Variants in PTPRN2 observed in about 807,000 individuals in gnomAD.
The protein encoded by PTPRN2 is receptor-type tyrosine-protein phosphatase N2.
Under a neutral mutation model 118.8 loss-of-function variants are expected in PTPRN2, and 74 were observed. That is an observed-to-expected ratio of 0.62 (90% confidence interval 0.52 to 0.76). The LOEUF (loss-of-function observed/expected upper bound fraction) is 0.76. Among genes scored for constraint, PTPRN2 ranks in the 30% least tolerant of loss-of-function variants. The pLI is 0.00. For synonymous variants in PTPRN2, 641 were observed against 608.0 expected (o/e 1.05, Z -0.80); for missense variants, 1,481 against 1,394.4 (o/e 1.06, Z -0.99).
At chr7:157,748,203 G>GCA (rs1801138926) in intron 12 of PTPRN2, among the ~76,000 whole-genome samples, 4 of 147,872 alleles carry the variant, frequency 2.7e-5, no homozygotes, top group South Asian at 2.2e-4. Context: ...TCCCTGAGCT[G>GCA]TGAGCTGTTG....
At chr7:157,945,826 C>G (rs1351219231) in intron 11 of PTPRN2, among the ~76,000 whole-genome samples, 1 of 152,072 alleles carries the variant, frequency 6.6e-6, no homozygotes, top group African/African-American at 2.4e-5. Context: ...AAGAGCAAGT[C>G]CAGCCACACC....
intron 2 of PTPRN2, among the ~76,000 whole-genome samples, chr7:158,468,843 C>A (rs1026254292): frequency 2.5e-5 from 3 of 121,778 alleles, no homozygotes; most frequent in African/African-American, 9.1e-5. Context: ...ATGTGCACAC[C>A]CACACACTCC....
At chr7:158,444,283 T>C (rs1309989761) in intron 2 of PTPRN2, among the ~76,000 whole-genome samples, 5 of 152,360 alleles carry the variant, frequency 3.3e-5, no homozygotes, top group Non-Finnish European at 1.5e-5. Flanking sequence ...CATCACAGAC[T>C]GTGCTCGGGA....
intron 9 of PTPRN2, among the ~76,000 whole-genome samples, chr7:158,131,238 AAC>A (rs972929917): frequency 6.8e-6 from 1 of 146,364 alleles, no homozygotes; most frequent in African/African-American, 2.7e-5. Flanking sequence ...ACACCCAACA[AAC>A]ACACATACAT....
chr7:157,745,827 C>T (rs182035200), intron 12 of PTPRN2, among the ~76,000 whole-genome samples: 17 of 152,288 alleles, frequency 1.1e-4, no homozygotes, highest in East Asian at 3.9e-4. Context: ...GTTTGACGCA[C>T]GCCCTGATTT....
At position 157,682,756 on chromosome 7, in the gene PTPRN2, T is replaced by C. The variant is rs772458321; in HGVS notation, c.1970A>G (p.Asp657Gly). The C allele has an allele frequency of 7.4e-6, 12 of 1,613,854 alleles. No individual in the cohort carries two copies. The highest frequency in any genetic ancestry group is 9.3e-6 in the Non-Finnish European group (11 of 1,180,048). ...LKEKLSGLGG[D>G]PGADATAAYQ... Reference sequence around the variant, plus strand: ...GGCGGCAGTGGCATCTGCACCTGGGTCGCCCCCTAGTCCCGAGAGCTTCTC... The same window carrying C: ...GGCGGCAGTGGCATCTGCACCTGGGCCGCCCCCTAGTCCCGAGAGCTTCTC... The change falls in exon 13 of 23, where the codon GAC becomes GGC. Residue 657 changes from aspartate (D) to glycine (G), a missense_variant. Asp to Gly is a moderately conservative substitution (Grantham distance 94). This residue lies in a region of PTPRN2 where 1,115 missense variants were observed against 994.2 expected (regional missense o/e 1.12). Transcript: ENST00000389418.
intron 12 of PTPRN2, among the ~76,000 whole-genome samples, chr7:157,695,882 C>T (rs552928738): frequency 1.3e-5 from 2 of 151,986 alleles, no homozygotes; most frequent in East Asian, 1.9e-4. Context: ...TCACCATCTA[C>T]CCATGCATAC....
intron 13 of PTPRN2, among the ~76,000 whole-genome samples, chr7:157,668,367 G>A (rs145477712): frequency 5.3e-5 from 8 of 152,304 alleles, no homozygotes; most frequent in African/African-American, 1.9e-4. Flanking sequence ...GACAACAAAG[G>A]TTTCAGGAAA....
chr7:157,643,225 G>A (rs1007149238), intron 14 of PTPRN2, among the ~76,000 whole-genome samples: 3 of 152,266 alleles, frequency 2.0e-5, no homozygotes, highest in African/African-American at 7.2e-5. Context: ...GGACTGGTCA[G>A]ATTGGGGTCA....
At chr7:157,739,275 C>T (rs1416462328) in intron 12 of PTPRN2, 1 of 152,248 alleles carries the variant, frequency 6.6e-6, no homozygotes. Flanking sequence ...CACATAACAG[C>T]AGCTGGACAC....
At chr7:158,007,861 T>A (rs2128866139) in intron 11 of PTPRN2, among the ~76,000 whole-genome samples, 1 of 142,122 alleles carries the variant, frequency 7.0e-6, no homozygotes, top group South Asian at 2.3e-4. Flanking sequence ...GCTGCATGTG[T>A]GTGGATGCAT....
intron 12 of PTPRN2, among the ~76,000 whole-genome samples, chr7:157,710,743 C>T (rs1239812730): frequency 6.7e-6 from 1 of 149,194 alleles, no homozygotes; most frequent in African/African-American, 2.4e-5. Context: ...GCCCTTGCGC[C>T]TGGCCCTCAG....
intron 14 of PTPRN2, among the ~76,000 whole-genome samples, chr7:157,650,712 G>C (rs750366443): frequency 6.6e-6 from 1 of 152,252 alleles, no homozygotes; most frequent in Non-Finnish European, 1.5e-5. Context: ...GGAGGGACTG[G>C]GGCCAGGGGA....
intron 14 of PTPRN2, among the ~76,000 whole-genome samples, chr7:157,623,403 G>C (rs552348678): frequency 2.8e-4 from 42 of 152,208 alleles, no homozygotes; most frequent in African/African-American, 1.0e-3. Flanking sequence ...CTGGGTCCTA[G>C]CTTTTCTTTG....
chr7:157,679,052 C>T (rs757303611), intron 13 of PTPRN2, among the ~76,000 whole-genome samples: 2 of 151,918 alleles, frequency 1.3e-5, no homozygotes, highest in Non-Finnish European at 2.9e-5. Flanking sequence ...ACAATTCTTC[C>T]ATGTCTTCAC....
intron 5 of PTPRN2, among the ~76,000 whole-genome samples, chr7:158,188,605 C>CCGCCACGCTCGCCCCCTGAGGGGGAAGG (rs1825467566): frequency 6.8e-5 from 2 of 29,606 alleles, no homozygotes; most frequent in Admixed American, 3.6e-4. Context: ...GATGGGGAAG[C>CCGCCACGCTCGCCCCCTGAGGGGGAAGG]CCGCCACGCT....
chr7:157,746,961 C>T (rs1318752832), intron 12 of PTPRN2, among the ~76,000 whole-genome samples: 1 of 149,754 alleles, frequency 6.7e-6, no homozygotes, highest in African/African-American at 2.5e-5. Flanking sequence ...CTGAGGCCTG[C>T]GTCTCTCAGC....
chr7:158,537,539 C>T (rs1057254918), intron 1 of PTPRN2: 19 of 152,376 alleles, frequency 1.2e-4, no homozygotes, highest in Non-Finnish European at 2.6e-4. Context: ...TGCCTCAGAA[C>T]AGGGAAAAGG....
At chr7:157,902,553 C>T (rs149444480) in intron 11 of PTPRN2, among the ~76,000 whole-genome samples, 37 of 141,958 alleles carry the variant, frequency 2.6e-4, no homozygotes, top group African/African-American at 8.6e-4. Context: ...GGACCAGCCC[C>T]GCGGTGGTCT....
Sources: gnomAD v4.1 joint callset for allele counts (sites outside exome capture counted in the v4.1 genomes callset) on GRCh38, gnomAD v4.1.1 for gene constraint, gnomAD v4.1.1 regional missense constraint, MANE v1.5 for transcripts, NCBI Gene and HGNC (gene_info 2026-07-23, HGNC 2026-07-21) for gene names.